CTNNBL1: variants seen among roughly 807,000 people sequenced by gnomAD.
CTNNBL1 encodes beta-catenin-like protein 1.
Under a neutral mutation model 72.7 loss-of-function variants are expected in CTNNBL1, and 31 were observed. The ratio of observed to expected loss-of-function variants is 0.43; its 90% CI spans 0.32 to 0.58. The LOEUF (loss-of-function observed/expected upper bound fraction) is 0.58, where lower values mean the gene tolerates loss of function less well. Among genes scored for constraint, CTNNBL1 ranks in the 20% least tolerant of loss-of-function variants. CTNNBL1 has a pLI of 0.08. For missense variants in CTNNBL1, 534 were observed against 725.1 expected (o/e 0.74, Z 3.03); for synonymous variants, 240 against 267.3 (o/e 0.90, Z 1.00).
chr20:37,737,002 T>A lies in CTNNBL1; in HGVS notation c.220-376T>A, dbSNP rs185857793. Among the ~76,000 whole-genome samples the A allele has an allele frequency of 1.3e-5, 2 of 151,952 alleles. 1 individual carries two copies. The highest frequency in any genetic ancestry group is 4.8e-5 in the African/African-American group (2 of 41,476). On this transcript the variant is annotated intron_variant, in intron 2 of 15. Transcript: ENST00000361383. ...ACTTTGGGAGGCCAAGGTGGGCAGA[T>A]CACGAGGTCAGGAGATCGAGACCAT... is the stretch of plus-strand genomic sequence containing the variant.
At position 37,869,753 on chromosome 20, in the gene CTNNBL1, G is replaced by A. The variant is rs146426059; in HGVS notation, c.1604-2172G>A. The stretch of plus-strand genomic sequence containing the variant: ...GCCATTACTGGCCTGAGCAAAGGAG[G>A]CTGAGGGAGGGAACTAATGTTCCCT... On this transcript the variant is annotated intron_variant, in intron 15 of 15. Coordinates refer to ENST00000361383, the MANE Select transcript of CTNNBL1 (RefSeq NM_030877.5). Among the ~76,000 whole-genome samples, 196 of 152,186 alleles carry A rather than the reference G, an allele frequency of 1.3e-3. 2 individuals are homozygous for A. Among genetic ancestry groups the A allele is most frequent in the African/African-American group, 4.5e-3 (188 of 41,432 alleles).
chr20:37,791,416 T>G (rs1012406619), intron 10 of CTNNBL1, among the ~76,000 whole-genome samples: 5 of 152,236 alleles, frequency 3.3e-5, no homozygotes, highest in Admixed American at 6.5e-5. Context: ...TCAGTCTTTT[T>G]TGTCTTAGCC....
chr20:37,870,567 C>T (rs1257193646), intron 15 of CTNNBL1, among the ~76,000 whole-genome samples: 3 of 152,182 alleles, frequency 2.0e-5, no homozygotes, highest in Non-Finnish European at 4.4e-5. Flanking sequence ...CAGAAAACAT[C>T]AAGAAGCTGA....
intron 11 of CTNNBL1, among the ~76,000 whole-genome samples, chr20:37,828,286 A>G (rs2072178006): frequency 1.3e-5 from 2 of 152,248 alleles, no homozygotes; most frequent in Non-Finnish European, 2.9e-5. Context: ...GCAGAGAACG[A>G]GAGCTCATCT....
intron 4 of CTNNBL1, 118 bp downstream of exon 4, chr20:37,746,725 C>G (rs2073268607): frequency 2.4e-6 from 3 of 1,266,518 alleles, no homozygotes. Flanking sequence ...TGTTTCCATT[C>G]TAATTATCTT....
chr20:37,773,009 C>G (rs773853734), intron 7 of CTNNBL1, among the ~76,000 whole-genome samples: 251 of 152,312 alleles, frequency 1.6e-3, no homozygotes, highest in Non-Finnish European at 3.0e-3. Context: ...AGAGATGCTG[C>G]ATCACAATTA....
At chr20:37,838,276 G>A (rs2072272423) in intron 11 of CTNNBL1, among the ~76,000 whole-genome samples, 1 of 152,194 alleles carries the variant, frequency 6.6e-6, no homozygotes, top group African/African-American at 2.4e-5. Context: ...ATGGAGATTA[G>A]GCCAAAGGGG....
chr20:37,865,414 G>A (rs1457478986), intron 15 of CTNNBL1, among the ~76,000 whole-genome samples: 4 of 152,108 alleles, frequency 2.6e-5, no homozygotes, highest in Non-Finnish European at 5.9e-5. Flanking sequence ...TTTTATTATT[G>A]TAGTAATAAT....
chr20:37,868,829 C>G (rs1480855041), intron 15 of CTNNBL1, among the ~76,000 whole-genome samples: 3 of 152,206 alleles, frequency 2.0e-5, no homozygotes, highest in Non-Finnish European at 4.4e-5. Context: ...CGGACTGTTT[C>G]TCCACTTCCC....
chr20:37,852,299 C>T (rs2072403453), intron 13 of CTNNBL1, among the ~76,000 whole-genome samples: 1 of 152,246 alleles, frequency 6.6e-6, no homozygotes, highest in Non-Finnish European at 1.5e-5. Flanking sequence ...CCTTAAATCT[C>T]TGTTCATCAT....
chr20:37,837,609 A>T (rs539184645), intron 11 of CTNNBL1, among the ~76,000 whole-genome samples: 1 of 152,344 alleles, frequency 6.6e-6, no homozygotes, highest in African/African-American at 2.4e-5. Context: ...AAAGCATATT[A>T]GCAATGCAAA....
intron 15 of CTNNBL1, among the ~76,000 whole-genome samples, chr20:37,869,284 G>A (rs1044575216): frequency 6.6e-6 from 1 of 152,226 alleles, no homozygotes. Context: ...GCAGGGGTGG[G>A]GCTGACAGGG....
At chr20:37,695,957 A>G (rs1239149297) in intron 1 of CTNNBL1, among the ~76,000 whole-genome samples, 2 of 152,262 alleles carry the variant, frequency 1.3e-5, no homozygotes, top group Non-Finnish European at 2.9e-5. Flanking sequence ...GGGGAGCTAT[A>G]TAGCCAAGAG....
At chr20:37,699,484 G>A (rs1164548082) in intron 1 of CTNNBL1, among the ~76,000 whole-genome samples, 1 of 152,214 alleles carries the variant, frequency 6.6e-6, no homozygotes, top group African/African-American at 2.4e-5. Context: ...GTAAGGAGCA[G>A]GGCCAGAACT....
intron 6 of CTNNBL1, among the ~76,000 whole-genome samples, chr20:37,766,832 G>A (rs915111815): frequency 6.6e-6 from 1 of 152,162 alleles, no homozygotes; most frequent in African/African-American, 2.4e-5. Context: ...GATTTTGTTC[G>A]AGTGAACAAT....
At chr20:37,739,971 C>T (rs932065978) in intron 3 of CTNNBL1, among the ~76,000 whole-genome samples, 3 of 152,130 alleles carry the variant, frequency 2.0e-5, no homozygotes, top group Non-Finnish European at 4.4e-5. Context: ...GTATTTCCTT[C>T]GCCCGCTTGG....
At chr20:37,724,415 A>G (rs2073066009) in intron 1 of CTNNBL1, among the ~76,000 whole-genome samples, 1 of 152,100 alleles carries the variant, frequency 6.6e-6, no homozygotes, top group Admixed American at 6.5e-5. Flanking sequence ...ACATTTCCTT[A>G]AGGGGGGAAG....
At chr20:37,806,254 T>TG (rs1298719473) in intron 11 of CTNNBL1, among the ~76,000 whole-genome samples, 1 of 152,112 alleles carries the variant, frequency 6.6e-6, no homozygotes, top group East Asian at 1.9e-4. Flanking sequence ...AGCTCCTAGG[T>TG]GGAACACTGA....
At chr20:37,840,269 A>C (rs1256333457) in intron 12 of CTNNBL1, 70 bp downstream of exon 12, 2 of 1,169,840 alleles carry the variant, frequency 1.7e-6, no homozygotes, top group East Asian at 2.4e-5. Context: ...ATGTGATCTG[A>C]GGGATACTGG....
Sources: allele counts gnomAD v4.1 joint callset (sites outside exome capture counted in the v4.1 genomes callset), GRCh38; gene constraint gnomAD v4.1.1; transcripts MANE v1.5; gene names NCBI Gene and HGNC (gene_info 2026-07-23, HGNC 2026-07-21).